Variants in ARK2N observed in about 807,000 individuals in gnomAD.
The protein encoded by ARK2N is arkadia (RNF111) N-terminal like PKA signaling regulator 2N.
the ARK2N span, among the ~76,000 whole-genome samples, chr18:46,198,236 G>T: frequency 2.1e-4 from 32 of 150,176 alleles, 1 homozygote; most frequent in Non-Finnish European, 4.3e-4. Flanking sequence ...TTGAACCCGG[G>T]AGGTGGAGGT....
chr18:46,214,706 C>T, the ARK2N span, among the ~76,000 whole-genome samples: 1 of 152,208 alleles, frequency 6.6e-6, no homozygotes, highest in Non-Finnish European at 1.5e-5. Flanking sequence ...ATTTAGCATA[C>T]AAAGTGTACA....
the ARK2N span, among the ~76,000 whole-genome samples, chr18:46,198,310 CAAAAAAAA>C: frequency 1.4e-5 from 1 of 69,148 alleles, no homozygotes; most frequent in Admixed American, 2.1e-4. Flanking sequence ...ACTCCATCTC[CAAAAAAAA>C]AAAAAAAAAA....
the ARK2N span, among the ~76,000 whole-genome samples, chr18:46,215,251 G>A: frequency 1.3e-5 from 2 of 152,162 alleles, no homozygotes; most frequent in East Asian, 3.9e-4. Context: ...CCAGGGCAAC[G>A]GAGGTTGCAG....
the ARK2N span, among the ~76,000 whole-genome samples, chr18:46,229,447 A>G: frequency 6.6e-6 from 1 of 151,696 alleles, no homozygotes; most frequent in Non-Finnish European, 1.5e-5. Flanking sequence ...TCCCGGGTTC[A>G]TGCCATTCTC....
the ARK2N span, among the ~76,000 whole-genome samples, chr18:46,214,305 T>A: frequency 1.3e-5 from 2 of 152,170 alleles, no homozygotes. Flanking sequence ...TATAGAATAA[T>A]GGTTATGTGT....
At chr18:46,247,694 A>T in the ARK2N span, among the ~76,000 whole-genome samples, 1 of 152,122 alleles carries the variant, frequency 6.6e-6, no homozygotes, top group Non-Finnish European at 1.5e-5. Context: ...ATTGATTGAG[A>T]TGGCATCTTG....
At chr18:46,176,604 G>A in the ARK2N span, among the ~76,000 whole-genome samples, 1 of 151,366 alleles carries the variant, frequency 6.6e-6, no homozygotes, top group Non-Finnish European at 1.5e-5. Flanking sequence ...ACAGGCTCAC[G>A]CCACCACACT....
the ARK2N span, among the ~76,000 whole-genome samples, chr18:46,249,229 C>CT: frequency 2.5e-4 from 37 of 151,012 alleles, no homozygotes; most frequent in South Asian, 3.6e-3. Flanking sequence ...AGGCAGCATT[C>CT]TTTTTTTTTA....
chr18:46,193,667 C>T, the ARK2N span, among the ~76,000 whole-genome samples: 1 of 145,398 alleles, frequency 6.9e-6, no homozygotes, highest in Non-Finnish European at 1.5e-5. Context: ...GGTGCAGTCT[C>T]AGCTCACTGC....
the ARK2N span, among the ~76,000 whole-genome samples, chr18:46,202,382 T>C: frequency 6.6e-6 from 1 of 152,134 alleles, no homozygotes; most frequent in African/African-American, 2.4e-5. Context: ...GCATTCAACA[T>C]AGGAAAGGCA....
At chr18:46,252,332 A>C in the ARK2N span, among the ~76,000 whole-genome samples, 1 of 150,866 alleles carries the variant, frequency 6.6e-6, no homozygotes, top group African/African-American at 2.4e-5. Flanking sequence ...CCTGGAGTGC[A>C]GTGGCGCGAT....
chr18:46,198,017 G>T, the ARK2N span, among the ~76,000 whole-genome samples: 16 of 151,886 alleles, frequency 1.1e-4, no homozygotes, highest in Admixed American at 4.6e-4. Context: ...TTTGAAAATT[G>T]TGGGCCAGGT....
the ARK2N span, among the ~76,000 whole-genome samples, chr18:46,212,990 A>ATTTTTTTTTTTTT: frequency 1.2e-5 from 1 of 80,520 alleles, no homozygotes; most frequent in Non-Finnish European, 2.4e-5. Flanking sequence ...TTTAAGAAGA[A>ATTTTTTTTTTTTT]TTTTTTTTTT....
At chr18:46,185,723 A>G in the ARK2N span, among the ~76,000 whole-genome samples, 55 of 152,320 alleles carry the variant, frequency 3.6e-4, no homozygotes, top group Non-Finnish European at 6.5e-4. Context: ...GTGGTGGCTC[A>G]TGCCTGTAAT....
chr18:46,185,640 A>G, the ARK2N span, among the ~76,000 whole-genome samples: 7 of 152,258 alleles, frequency 4.6e-5, no homozygotes, highest in African/African-American at 1.7e-4. Context: ...ATGCATTGCA[A>G]TTTGTCTCTT....
the ARK2N span, among the ~76,000 whole-genome samples, chr18:46,194,291 T>C: frequency 1.3e-5 from 2 of 151,064 alleles, no homozygotes; most frequent in South Asian, 2.1e-4. Flanking sequence ...TTTCCTGTTA[T>C]GGAGGGGAGG....
At chr18:46,199,482 ATTT>A in the ARK2N span, among the ~76,000 whole-genome samples, 1,997 of 82,388 alleles carry the variant, frequency 0.024, 65 homozygotes, top group East Asian at 0.13. Context: ...CACCCAGCTC[ATTT>A]TTTTTTTTTT....
At chr18:46,174,581 G>A in the ARK2N span, among the ~76,000 whole-genome samples, 135 of 152,288 alleles carry the variant, frequency 8.9e-4, 1 homozygote, top group Middle Eastern at 0.017. Flanking sequence ...GGTGACCCTA[G>A]CGTCCTCCCG....
the ARK2N span, among the ~76,000 whole-genome samples, chr18:46,237,260 T>G: frequency 6.6e-6 from 1 of 152,180 alleles, no homozygotes; most frequent in African/African-American, 2.4e-5. Flanking sequence ...ATAAAATAAC[T>G]GCAGAATCTT....
Sources: gnomAD v4.1 joint callset for allele counts (sites outside exome capture counted in the v4.1 genomes callset) on GRCh38, gnomAD v4.1.1 for gene constraint, MANE v1.5 for transcripts, NCBI Gene and HGNC (gene_info 2026-07-23, HGNC 2026-07-21) for gene names.